The following SGCZ variants were observed in gnomAD, a reference collection of about 807,000 sequenced individuals.
The protein encoded by SGCZ is zeta-sarcoglycan.
In SGCZ, 40 loss-of-function variants were observed where a neutral mutation model predicts 41.3. That is an observed-to-expected ratio of 0.97 (90% CI 0.75 to 1.26). SGCZ has a LOEUF of 1.26. Among genes scored for constraint, SGCZ ranks in the 50% most tolerant of loss-of-function variants. The probability of loss-of-function intolerance (pLI) is 0.00; values close to 1 mark genes in which losing one functional copy is unlikely to be tolerated. For missense variants in SGCZ, 552 were observed against 369.8 expected, an observed-to-expected ratio of 1.49 and a Z score of -4.04; for synonymous variants, 206 against 137.5, an observed-to-expected ratio of 1.50 and a Z score of -3.49.
chr8:15,175,499 C>T (rs910330631), intron 1 of SGCZ, among the ~76,000 whole-genome samples: 28 of 152,024 alleles, frequency 1.8e-4, no homozygotes, highest in African/African-American at 6.5e-4. Context: ...AACACATAGA[C>T]ACATAGAGTG....
chr8:14,433,601 T>A (rs983053663), intron 2 of SGCZ, among the ~76,000 whole-genome samples: 3 of 152,156 alleles, frequency 2.0e-5, no homozygotes, highest in African/African-American at 7.2e-5. Flanking sequence ...TTGCATCTAA[T>A]TTCTTGATGG....
chr8:14,241,082 T>C (rs1197680515), intron 3 of SGCZ, among the ~76,000 whole-genome samples: 2 of 152,186 alleles, frequency 1.3e-5, no homozygotes, highest in African/African-American at 2.4e-5. Context: ...TTAAGTTTTA[T>C]GTCTTTTTTC....
At chr8:14,390,613 G>T (rs1804736736) in intron 2 of SGCZ, among the ~76,000 whole-genome samples, 2 of 151,734 alleles carry the variant, frequency 1.3e-5, no homozygotes, top group African/African-American at 4.8e-5. Context: ...GAAACAGTAT[G>T]GCATGTAGAT....
chr8:14,105,464 GA>G (rs1802175156), intron 6 of SGCZ, among the ~76,000 whole-genome samples: 1 of 152,068 alleles, frequency 6.6e-6, no homozygotes, highest in South Asian at 2.1e-4. Flanking sequence ...GTGTTGATTA[GA>G]AGTAGGCATC....
At chr8:14,963,484 G>C (rs28659185) in intron 1 of SGCZ, among the ~76,000 whole-genome samples, 1 of 151,624 alleles carries the variant, frequency 6.6e-6, no homozygotes, top group Non-Finnish European at 1.5e-5. Context: ...AATTACAGGC[G>C]TGTGCCACCA....
intron 1 of SGCZ, among the ~76,000 whole-genome samples, chr8:15,164,007 A>G (rs1454342347): frequency 6.6e-6 from 1 of 152,220 alleles, no homozygotes; most frequent in Non-Finnish European, 1.5e-5. Flanking sequence ...TGGCATTCCA[A>G]TGGCCGCCGG....
intron 2 of SGCZ, among the ~76,000 whole-genome samples, chr8:14,381,431 T>G (rs570543008): frequency 6.6e-6 from 1 of 152,242 alleles, no homozygotes; most frequent in South Asian, 2.1e-4. Flanking sequence ...TCCTGCCCCC[T>G]CATTCCCATA....
chr8:15,162,658 T>C (rs1287436367), intron 1 of SGCZ, among the ~76,000 whole-genome samples: 1 of 152,246 alleles, frequency 6.6e-6, no homozygotes, highest in East Asian at 1.9e-4. Flanking sequence ...AGGAAAATTC[T>C]GGCTCTCTCA....
chr8:14,628,865 G>A (rs115125110), intron 1 of SGCZ, among the ~76,000 whole-genome samples: 5 of 152,158 alleles, frequency 3.3e-5, no homozygotes, highest in African/African-American at 1.2e-4. Context: ...CTTTTGGTGT[G>A]GTTCTCATAA....
At chr8:14,426,059 G>C (rs2117320552) in intron 2 of SGCZ, among the ~76,000 whole-genome samples, 1 of 152,034 alleles carries the variant, frequency 6.6e-6, no homozygotes, top group South Asian at 2.1e-4. Context: ...TTTCTAGTAA[G>C]AATAGTGAAG....
chr8:14,151,270 A>G (rs763148450), intron 5 of SGCZ, among the ~76,000 whole-genome samples: 2 of 152,150 alleles, frequency 1.3e-5, no homozygotes, highest in African/African-American at 2.4e-5. Flanking sequence ...TTGCATCGAC[A>G]TCTCATGTAC....
intron 5 of SGCZ, among the ~76,000 whole-genome samples, chr8:14,160,703 G>T (rs1310623906): frequency 6.6e-6 from 1 of 152,114 alleles, no homozygotes; most frequent in Non-Finnish European, 1.5e-5. Flanking sequence ...TGGTGTTCAG[G>T]TATGTGTTTA....
chr8:14,355,102 C>T (rs1413077267), intron 2 of SGCZ, among the ~76,000 whole-genome samples: 1 of 151,918 alleles, frequency 6.6e-6, no homozygotes, highest in Non-Finnish European at 1.5e-5. Flanking sequence ...TATGTTATTA[C>T]TATATCTAAC....
intron 4 of SGCZ, among the ~76,000 whole-genome samples, chr8:14,170,985 C>T (rs894900914): frequency 9.2e-5 from 14 of 151,894 alleles, no homozygotes; most frequent in African/African-American, 2.2e-4. Flanking sequence ...ATCTCACATT[C>T]GCTAAATTCA....
At chr8:14,599,362 A>G (rs544669336) in intron 1 of SGCZ, among the ~76,000 whole-genome samples, 3 of 152,234 alleles carry the variant, frequency 2.0e-5, no homozygotes, top group Non-Finnish European at 4.4e-5. Context: ...TGTCAAAACC[A>G]CCTCTACACT....
chr8:14,610,218 T>A (rs1805882596), intron 1 of SGCZ, among the ~76,000 whole-genome samples: 1 of 152,142 alleles, frequency 6.6e-6, no homozygotes, highest in African/African-American at 2.4e-5. Flanking sequence ...AGAATCACCT[T>A]GACCTAAAGA....
chr8:14,383,168 A>C (rs578103276), intron 2 of SGCZ, among the ~76,000 whole-genome samples: 72 of 152,360 alleles, frequency 4.7e-4, no homozygotes, highest in African/African-American at 1.6e-3. Flanking sequence ...CTATAAATCA[A>C]GCTGAAGTTC....
At chr8:14,660,545 T>C (rs1180081147) in intron 1 of SGCZ, among the ~76,000 whole-genome samples, 1 of 119,756 alleles carries the variant, frequency 8.4e-6, no homozygotes, top group African/African-American at 3.6e-5. Context: ...CACTCCAGCC[T>C]GGGCAACAGA....
At chr8:14,653,453 A>G (rs1325370139) in intron 1 of SGCZ, among the ~76,000 whole-genome samples, 1 of 152,184 alleles carries the variant, frequency 6.6e-6, no homozygotes, top group Middle Eastern at 3.2e-3. Context: ...ACTACAAGAT[A>G]GCTTAGCCTA....
Sources: gnomAD v4.1 joint callset for allele counts (sites outside exome capture counted in the v4.1 genomes callset) on GRCh38, gnomAD v4.1.1 for gene constraint, MANE v1.5 for transcripts, NCBI Gene and HGNC (gene_info 2026-07-23, HGNC 2026-07-21) for gene names.